Variants in NUP93 observed in about 807,000 individuals in gnomAD.
NUP93 encodes the protein nuclear pore complex protein Nup93.
In NUP93, 55 loss-of-function variants were observed where a neutral mutation model predicts 107.8. That is an observed-to-expected ratio of 0.51 (90% CI 0.41 to 0.64). NUP93 has a LOEUF of 0.64. Ranked by LOEUF, NUP93 falls within the 30% of genes least tolerant of loss-of-function variation. The pLI, the probability that NUP93 is intolerant of heterozygous loss-of-function variation, is 0.00. For synonymous variants in NUP93, 390 were observed against 397.5 expected (o/e 0.98, Z 0.22); for missense variants, 937 against 1,044.7 (o/e 0.90, Z 1.42).
chr16:56,818,489 A>G (rs1344754144), intron 5 of NUP93, among the ~76,000 whole-genome samples, 175 bp from the exon 6 acceptor site: 1 of 152,216 alleles, frequency 6.6e-6, no homozygotes, highest in Non-Finnish European at 1.5e-5. Context: ...ATGTGTTCAT[A>G]GTAAAAGTTG....
In NUP93 at chr16:56,756,304, C is replaced by T. The variant is rs866786904; in HGVS notation, c.180-2234C>T. 2.2e-3 allele frequency among the ~76,000 whole-genome samples: 194 copies of T among 86,938 alleles called. 19 individuals are homozygous for T. Among genetic ancestry groups the T allele is most frequent in the South Asian group, 0.015 (23 of 1,512 alleles). 57.0% of individuals were successfully genotyped at this position (86,938 alleles called of 152,430 possible). ...TGCTCTCTCTCTCCTTGCCCCCCCC[C>T]CCCCCGACAGGCTCCTATGTGTGTT... On this transcript the variant is annotated intron_variant, in intron 2 of 21. Coordinates refer to ENST00000308159, the MANE Select transcript of NUP93 (RefSeq NM_014669.5).
rs144354431 is a variant in NUP93 at position 56,767,848 on chromosome 16, C to T, written c.297+9193C>T. Among the ~76,000 whole-genome samples, 718 of 152,264 alleles carry T rather than the reference C, an allele frequency of 4.7e-3. 9 individuals are homozygous for T. The highest frequency in any genetic ancestry group is 0.016 in the African/African-American group (682 of 41,526). ...ATTCTGTAATGAGGTCCTAAACTGC[C>T]CCAGATGTCTTAGCATTGAATGAAT... On this transcript the variant is annotated intron_variant, in intron 3 of 21. Transcript: ENST00000308159.
intron 1 of NUP93, among the ~76,000 whole-genome samples, chr16:56,745,451 G>T (rs1162213053): frequency 6.6e-6 from 1 of 152,220 alleles, no homozygotes; most frequent in African/African-American, 2.4e-5. Context: ...TGGTTGCTGG[G>T]TTGCTATAGA....
intron 3 of NUP93, among the ~76,000 whole-genome samples, chr16:56,763,399 T>G (rs1277946384): frequency 6.6e-6 from 1 of 152,184 alleles, no homozygotes; most frequent in African/African-American, 2.4e-5. Context: ...ACTCTCTGCT[T>G]CTTAAAGTAT....
At chr16:56,836,973 C>G (rs1440370277) in intron 17 of NUP93, among the ~76,000 whole-genome samples, 1 of 152,218 alleles carries the variant, frequency 6.6e-6, no homozygotes, top group Non-Finnish European at 1.5e-5. Flanking sequence ...TCTCACTTGG[C>G]AGCAGAATTA....
chr16:56,815,343 G>A (rs1385678936), intron 5 of NUP93, among the ~76,000 whole-genome samples: 1 of 152,134 alleles, frequency 6.6e-6, no homozygotes, highest in East Asian at 1.9e-4. Context: ...TTAGAAAGGT[G>A]GCTGTCTTAG....
intron 3 of NUP93, among the ~76,000 whole-genome samples, chr16:56,761,799 C>T (rs1230742511): frequency 6.6e-6 from 1 of 152,080 alleles, no homozygotes; most frequent in Non-Finnish European, 1.5e-5. Context: ...ATTATATTTC[C>T]TTCTGCTTCT....
intron 3 of NUP93, among the ~76,000 whole-genome samples, chr16:56,794,085 G>GATA (rs1962831295): frequency 4.6e-5 from 6 of 130,884 alleles, no homozygotes; most frequent in East Asian, 2.6e-4. Flanking sequence ...TAGGTAGGTA[G>GATA]GTAGGTAGAT....
At chr16:56,831,078 A>G (rs1458706354) in intron 10 of NUP93, among the ~76,000 whole-genome samples, 1 of 152,244 alleles carries the variant, frequency 6.6e-6, no homozygotes, top group Non-Finnish European at 1.5e-5. Flanking sequence ...ATATGTTGTC[A>G]CGTACTTCGT....
intron 3 of NUP93, among the ~76,000 whole-genome samples, chr16:56,765,841 G>C (rs1962207315): frequency 1.3e-5 from 2 of 152,186 alleles, no homozygotes; most frequent in South Asian, 4.1e-4. Context: ...TAATTAGGTA[G>C]CCTAATGCTG....
chr16:56,846,415 TA>T lies in NUP93; in HGVS notation c.*1809del, dbSNP rs544021189. On this transcript the variant is annotated 3_prime_UTR_variant, in exon 22 of 22. Transcript: ENST00000308159. ...AGAGCGATACTCCGTCTCAAAAAAA[TA>T]AAGAGTACTCTGGCCGAGTGCAGTG... 1 of 136,818 alleles carries T rather than the reference TA, an allele frequency of 7.3e-6. No individual in the cohort carries two copies. Among genetic ancestry groups the T allele is most frequent in the Non-Finnish European group, 1.6e-5 (1 of 63,446 alleles). 8.5% of individuals were successfully genotyped at this position (136,818 alleles called of 1,614,324 possible).
chr16:56,827,846 A>ATGGTGGCT (rs1963699930), intron 8 of NUP93, among the ~76,000 whole-genome samples: 1 of 152,190 alleles, frequency 6.6e-6, no homozygotes, highest in Non-Finnish European at 1.5e-5. Flanking sequence ...TGGGCCAGCC[A>ATGGTGGCT]TGGTGGCTCA....
intron 20 of NUP93, among the ~76,000 whole-genome samples, chr16:56,841,172 G>A (rs557787694): frequency 3.9e-4 from 60 of 152,178 alleles, no homozygotes; most frequent in African/African-American, 1.1e-3. Flanking sequence ...TGTTATTTCT[G>A]GCCTTTCCTT....
rs1964156143 is a variant in NUP93, at chr16:56,849,828, T to G, written c.*5219T>G. 2 of 152,206 alleles carry G rather than the reference T, an allele frequency of 1.3e-5. No individual in the cohort carries two copies. Among genetic ancestry groups the G allele is most frequent in the South Asian group, 4.1e-4 (2 of 4,826 alleles). The allele number at this position is 152,206 out of a possible 1,614,324, so 9.4% of individuals were successfully genotyped here. A position where few individuals can be genotyped will look rare whatever the true frequency, so the allele number is the denominator to read the frequency against. ...TAGTGGAATTGGATTACCCTGATTT[T>G]GTGCATTGTTTGTGCTTTTGTGGGC... On this transcript the variant is annotated 3_prime_UTR_variant, in exon 22 of 22. Transcript: ENST00000308159.
chr16:56,840,182 A>G (rs1321351582), intron 20 of NUP93, among the ~76,000 whole-genome samples: 2 of 152,012 alleles, frequency 1.3e-5, no homozygotes, highest in African/African-American at 4.8e-5. Context: ...CAACACGCCC[A>G]GCTAATTTTT....
chr16:56,751,278 C>T (rs571859136), intron 2 of NUP93, among the ~76,000 whole-genome samples: 1 of 152,302 alleles, frequency 6.6e-6, no homozygotes, highest in Admixed American at 6.5e-5. Flanking sequence ...TCTCCATGTT[C>T]ATGCAAAGCA....
At chr16:56,812,085 G>A (rs1963327555) in intron 5 of NUP93, among the ~76,000 whole-genome samples, 1 of 152,130 alleles carries the variant, frequency 6.6e-6, no homozygotes, top group Admixed American at 6.5e-5. Flanking sequence ...CAGGAATAAG[G>A]TCGTTGGAAT....
chr16:56,748,557 A>G, intron 2 of NUP93, 131 bp downstream of exon 2: 1 of 782,570 alleles, frequency 1.3e-6, no homozygotes, highest in Non-Finnish European at 1.9e-6. Context: ...GAACTCAGAA[A>G]GTGTTGTAAA....
Position 56,829,160 on chromosome 16 carries a change from C to T in NUP93, c.927+51C>T, listed in dbSNP as rs73557741. ...CAGTTACACCCCCAGAGCAGTTGCC[C>T]TCAGATGGGCATTTTCAGTTAAAAT... is the stretch of plus-strand genomic sequence containing the variant. On this transcript the variant is annotated intron_variant, in intron 9 of 21. Coordinates refer to ENST00000308159, the MANE Select transcript of NUP93 (RefSeq NM_014669.5). 0.025 allele frequency: 38,705 copies of T among 1,573,238 alleles called. 600 individuals carry two copies. The highest frequency in any genetic ancestry group is 0.057 in the South Asian group (4,829 of 84,328).
Sources: gnomAD v4.1 joint callset for allele counts (sites outside exome capture counted in the v4.1 genomes callset) on GRCh38, gnomAD v4.1.1 for gene constraint, MANE v1.5 for transcripts, NCBI Gene and HGNC (gene_info 2026-07-23, HGNC 2026-07-21) for gene names.